KIZ: variants seen among roughly 807,000 people sequenced by gnomAD.
KIZ encodes centrosomal protein kizuna.
KIZ carries 68 observed loss-of-function variants against 79.6 expected under a neutral mutation model. The ratio of observed to expected loss-of-function variants is 0.85; its 90% confidence interval spans 0.70 to 1.05. The LOEUF is 1.05. Among genes scored for constraint, KIZ ranks in the 50% least tolerant of loss-of-function variants. The pLI is 0.00. For synonymous variants in KIZ, 280 were observed against 281.8 expected, an observed-to-expected ratio of 0.99 and a Z score of 0.06; for missense variants, 797 against 800.4, an observed-to-expected ratio of 1.00 and a Z score of 0.05.
intron 7 of KIZ, among the ~76,000 whole-genome samples, chr20:21,208,304 A>G (rs988633659): frequency 1.3e-5 from 2 of 152,036 alleles, no homozygotes; most frequent in African/African-American, 4.8e-5. Flanking sequence ...ATCAAATTAT[A>G]TTCTGTTTCC....
chr20:21,145,554 T>A lies in KIZ; in HGVS notation c.316-11T>A, dbSNP rs1238553549. ...ATATTTATCACAAAATCAAACTTTC[T>A]TTATATTTAGCTCGAATATGAGACT... On this transcript the variant is annotated splice_polypyrimidine_tract_variant and intron_variant, in intron 3 of 12. Coordinates refer to ENST00000619189, the MANE Select transcript of KIZ (RefSeq NM_018474.6). The A allele has an allele frequency of 7.2e-7, 1 of 1,397,668 alleles. No individual in the cohort carries two copies. Among genetic ancestry groups the A allele is most frequent in the African/African-American group, 1.5e-5 (1 of 68,676 alleles). 86.6% of individuals were successfully genotyped at this position (1,397,668 alleles called of 1,614,324 possible).
chr20:21,169,220 C>T (rs1482037102), intron 6 of KIZ, among the ~76,000 whole-genome samples: 8 of 152,072 alleles, frequency 5.3e-5, no homozygotes, highest in Non-Finnish European at 5.9e-5. Context: ...CTACAATGAA[C>T]TCCAACAAAT....
intron 9 of KIZ, among the ~76,000 whole-genome samples, chr20:21,227,300 T>G (rs2036688616): frequency 6.6e-6 from 1 of 152,086 alleles, no homozygotes; most frequent in Non-Finnish European, 1.5e-5. Context: ...CTCACTGGAG[T>G]CAAGTGATTT....
At chr20:21,188,473 A>G (rs889910806) in intron 6 of KIZ, among the ~76,000 whole-genome samples, 1 of 152,162 alleles carries the variant, frequency 6.6e-6, no homozygotes, top group Non-Finnish European at 1.5e-5. Context: ...ACAGAAAACA[A>G]TGATCAAATA....
intron 3 of KIZ, among the ~76,000 whole-genome samples, chr20:21,142,974 AG>A (rs946707360): frequency 6.6e-6 from 1 of 152,128 alleles, no homozygotes; most frequent in African/African-American, 2.4e-5. Context: ...ATGCCCCTGG[AG>A]GGCAAAGTGT....
intron 6 of KIZ, among the ~76,000 whole-genome samples, chr20:21,167,684 C>T (rs1006543998): frequency 1.3e-5 from 2 of 149,896 alleles, no homozygotes; most frequent in African/African-American, 4.9e-5. Context: ...GCCTCAGTCT[C>T]CCAAGTAGCT....
chr20:21,233,997 T>G (rs2036916125), intron 11 of KIZ, among the ~76,000 whole-genome samples: 1 of 152,160 alleles, frequency 6.6e-6, no homozygotes, highest in Non-Finnish European at 1.5e-5. Context: ...TAAATTCAAG[T>G]TCTAGGTCTC....
intron 11 of KIZ, among the ~76,000 whole-genome samples, chr20:21,236,789 G>A (rs970663183): frequency 6.6e-6 from 1 of 152,126 alleles, no homozygotes; most frequent in Non-Finnish European, 1.5e-5. Context: ...GAGGTCAGGA[G>A]TTCAAGACCA....
At chr20:21,173,472 G>A (rs373617276) in intron 6 of KIZ, among the ~76,000 whole-genome samples, 12 of 151,838 alleles carry the variant, frequency 7.9e-5, no homozygotes, top group African/African-American at 2.9e-4. Flanking sequence ...CAGCTACTTG[G>A]GAGGCTGAGC....
At chr20:21,209,556 G>T (rs2035978028) in intron 7 of KIZ, among the ~76,000 whole-genome samples, 1 of 77,290 alleles carries the variant, frequency 1.3e-5, no homozygotes, top group Non-Finnish European at 2.6e-5. Flanking sequence ...CATTTGCTGG[G>T]TCATATGAAT....
chr20:21,238,541 T>C (rs1203847585), intron 11 of KIZ, among the ~76,000 whole-genome samples: 1 of 152,172 alleles, frequency 6.6e-6, no homozygotes, highest in African/African-American at 2.4e-5. Context: ...TGGGGTTCTT[T>C]CCTGGCTGCT....
chr20:21,170,365 G>A (rs1214483725), intron 6 of KIZ, among the ~76,000 whole-genome samples: 1 of 150,520 alleles, frequency 6.6e-6, no homozygotes. Context: ...TCATCCTTTT[G>A]TGCTATCAAA....
At position 21,143,482 on chromosome 20, in the gene KIZ, G is replaced by A. The variant is rs145606424; in HGVS notation, c.316-2083G>A. On this transcript the variant is annotated intron_variant, in intron 3 of 12. Transcript: ENST00000619189. ...GAAATCCCAGAGACCTGAAACTTCT[G>A]CCAGAACCTCCATCAATCCTCCATC... is the stretch of plus-strand genomic sequence containing the variant. Among the ~76,000 whole-genome samples, 290 of 152,282 alleles carry A rather than the reference G, an allele frequency of 1.9e-3. 2 individuals are homozygous for A. Among genetic ancestry groups the A allele is most frequent in the East Asian group, 6.5e-3 (34 of 5,194 alleles).
At chr20:21,205,067 C>T (rs1003143977) in intron 6 of KIZ, among the ~76,000 whole-genome samples, 6 of 151,968 alleles carry the variant, frequency 3.9e-5, no homozygotes, top group African/African-American at 7.3e-5. Context: ...TATTTAAGCC[C>T]CAGAGTTTAC....
In KIZ at chr20:21,131,997, A is replaced by G. The variant is rs931826448; in HGVS notation, c.90-100A>G. ...TTGGGCTTTTTTTGACCTCTAATCA[A>G]CACCTTGCAACAAAGCCATTATTTC... is the stretch of plus-strand genomic sequence containing the variant. On this transcript the variant is annotated intron_variant, in intron 1 of 12. Coordinates refer to ENST00000619189, the MANE Select transcript of KIZ (RefSeq NM_018474.6). 7 of 642,720 alleles carry G rather than the reference A, an allele frequency of 1.1e-5. No homozygotes were observed. The East Asian group carries it at 1.2e-4, about 11-fold the overall frequency. 39.8% of individuals were successfully genotyped at this position (642,720 alleles called of 1,614,324 possible). A position where few individuals can be genotyped will look rare whatever the true frequency, so the allele number is the denominator to read the frequency against.
chr20:21,215,043 G>T (rs1249888932), intron 8 of KIZ, among the ~76,000 whole-genome samples: 1 of 152,146 alleles, frequency 6.6e-6, no homozygotes, highest in African/African-American at 2.4e-5. Flanking sequence ...TGAAGTTTTT[G>T]ATATCACCTA....
chr20:21,177,469 A>G (rs539367017), intron 6 of KIZ, among the ~76,000 whole-genome samples: 35 of 152,166 alleles, frequency 2.3e-4, no homozygotes, highest in Non-Finnish European at 4.1e-4. Flanking sequence ...AGTTCCTTAC[A>G]TGTTTGGGAA....
intron 7 of KIZ, 78 bp downstream of exon 7, chr20:21,205,662 A>T (rs2035793723): frequency 7.4e-5 from 47 of 635,146 alleles, no homozygotes; most frequent in African/African-American, 6.4e-4. Context: ...TTTATTTAAA[A>T]AAAAAAAAAA....
At chr20:21,227,028 G>A (rs909315410) in intron 9 of KIZ, among the ~76,000 whole-genome samples, 9 of 152,190 alleles carry the variant, frequency 5.9e-5, no homozygotes, top group African/African-American at 1.7e-4. Flanking sequence ...TGGAAAGTGT[G>A]GAGCATAGAA....
Sources: allele counts gnomAD v4.1 joint callset (sites outside exome capture counted in the v4.1 genomes callset), GRCh38; gene constraint gnomAD v4.1.1; transcripts MANE v1.5; gene names NCBI Gene and HGNC (gene_info 2026-07-23, HGNC 2026-07-21).